Variants in ARFGAP3 observed in about 807,000 individuals in gnomAD.
ARFGAP3 encodes the protein ARF GTPase activating protein 3.
Under a neutral mutation model 75.0 loss-of-function variants are expected in ARFGAP3, and 72 were observed. The observed-to-expected ratio is 0.96, with a 90% CI of 0.79 to 1.17. The LOEUF (loss-of-function observed/expected upper bound fraction) is 1.17. Among genes scored for constraint, ARFGAP3 ranks in the 50% most tolerant of loss-of-function variants. ARFGAP3 has a pLI of 0.00. For missense variants in ARFGAP3, 620 were observed against 626.6 expected (o/e 0.99, Z 0.11); for synonymous variants, 221 against 217.9 (o/e 1.01, Z -0.13).
At chr22:42,813,382 T>G (rs1925452351) in intron 11 of ARFGAP3, among the ~76,000 whole-genome samples, 2 of 151,394 alleles carry the variant, frequency 1.3e-5, no homozygotes, top group African/African-American at 2.4e-5. Context: ...AAGAGGGGGG[T>G]CAGCACTGGA....
intron 2 of ARFGAP3, among the ~76,000 whole-genome samples, chr22:42,841,807 A>G (rs902740302): frequency 4.6e-5 from 7 of 152,122 alleles, no homozygotes; most frequent in African/African-American, 9.7e-5. Flanking sequence ...AAAGAAAAGA[A>G]AAGAAGCTTT....
chr22:42,827,949 T>C (rs1926114125), intron 6 of ARFGAP3, among the ~76,000 whole-genome samples: 1 of 151,708 alleles, frequency 6.6e-6, no homozygotes, highest in Non-Finnish European at 1.5e-5. Flanking sequence ...CCAACCATAC[T>C]TTGTTATTTT....
chr22:42,800,340 G>T (rs1489972941), intron 14 of ARFGAP3, among the ~76,000 whole-genome samples: 2 of 152,118 alleles, frequency 1.3e-5, no homozygotes, highest in Non-Finnish European at 2.9e-5. Flanking sequence ...GACCAGCCTG[G>T]CCAACATGGT....
At chr22:42,830,596 G>C (rs1392231079) in intron 6 of ARFGAP3, among the ~76,000 whole-genome samples, 1 of 152,092 alleles carries the variant, frequency 6.6e-6, no homozygotes, top group African/African-American at 2.4e-5. Flanking sequence ...TAACATTCTG[G>C]CCTAACAAAG....
chr22:42,823,487 AACATTAATCTCTTTG>A (rs3830856), intron 8 of ARFGAP3, among the ~76,000 whole-genome samples, 154 bp downstream of exon 8: 65,290 of 151,792 alleles, frequency 0.43, 14,586 homozygotes, highest in Non-Finnish European at 0.48. Flanking sequence ...CAATAAGTAT[AACATTAATCTCTTTG>A]ACATTAATCT....
At chr22:42,834,390 C>G in intron 4 of ARFGAP3, 65 bp from the exon 5 acceptor site, 1 of 1,573,096 alleles carries the variant, frequency 6.4e-7, no homozygotes, top group Non-Finnish European at 8.6e-7. Context: ...TTATTTGATA[C>G]CTTTCACTTC....
intron 9 of ARFGAP3, 156 bp from the exon 10 acceptor site, chr22:42,818,013 C>T (rs1474854248): frequency 1.4e-6 from 1 of 694,132 alleles, no homozygotes; most frequent in Admixed American, 6.3e-5. Flanking sequence ...TTTCTACCTG[C>T]CTTTTTTGAA....
At chr22:42,810,678 T>TA (rs1925327228) in intron 12 of ARFGAP3, 135 bp downstream of exon 12, 2 of 750,230 alleles carry the variant, frequency 2.7e-6, no homozygotes, top group East Asian at 2.5e-5. Flanking sequence ...CTCGGCCTCT[T>TA]AAAGTGCTGG....
intron 9 of ARFGAP3, among the ~76,000 whole-genome samples, chr22:42,820,966 G>C (rs1281149216): frequency 6.6e-6 from 1 of 152,162 alleles, no homozygotes; most frequent in East Asian, 1.9e-4. Flanking sequence ...TGCTGAAGGA[G>C]CTGTTTCTCT....
intron 14 of ARFGAP3, among the ~76,000 whole-genome samples, chr22:42,802,244 A>ACCC (rs1924894544): frequency 6.6e-6 from 1 of 151,482 alleles, no homozygotes; most frequent in African/African-American, 2.4e-5. Context: ...GTGACGTGGG[A>ACCC]GGTGGAAGTT....
chr22:42,857,210 GC>G lies in ARFGAP3; in HGVS notation c.-29del. On this transcript the variant is annotated 5_prime_UTR_variant, in exon 1 of 16. Transcript: ENST00000263245. The stretch of plus-strand genomic sequence containing the variant: ...TCAGCTGTGAGCCGCGGCGCAGCTG[GC>G]CCAGCCAACCGGTAAGAGTCGACGA... The G allele has an allele frequency of 6.6e-7, 1 of 1,504,482 alleles. No homozygotes were observed. Among genetic ancestry groups the G allele is most frequent in the East Asian group, 2.8e-5 (1 of 35,176 alleles). The allele number at this position is 1,504,482 out of a possible 1,614,324, so 93.2% of individuals were successfully genotyped here.
Position 42,857,208 on chromosome 22 carries a change from T to C in ARFGAP3, c.-26A>G. On this transcript the variant is annotated 5_prime_UTR_variant, in exon 1 of 16. Coordinates refer to ENST00000263245, the MANE Select transcript of ARFGAP3 (RefSeq NM_014570.5). ...CGTCAGCTGTGAGCCGCGGCGCAGC[T>C]GGCCCAGCCAACCGGTAAGAGTCGA... is the stretch of plus-strand genomic sequence containing the variant. The C allele has an allele frequency of 6.6e-7, 1 of 1,504,520 alleles. No individual in the cohort carries two copies. The highest frequency in any genetic ancestry group is 8.9e-7 in the Non-Finnish European group (1 of 1,123,606). 93.2% of individuals were successfully genotyped at this position (1,504,520 alleles called of 1,614,324 possible).
rs144356109 is a variant in ARFGAP3 at position 42,831,951 on chromosome 22, G to C, written c.478-315C>G. On this transcript the variant is annotated intron_variant, in intron 5 of 15. Coordinates refer to ENST00000263245, the MANE Select transcript of ARFGAP3 (RefSeq NM_014570.5). ...GCATGTGCCACCACGCCCAGCTAAA[G>C]TTTAAATTTTTTGTAGAGAAGGAGT... Among the ~76,000 whole-genome samples the C allele has an allele frequency of 5.3e-3, 803 of 151,942 alleles. 38 individuals carry two copies. Among genetic ancestry groups the C allele is most frequent in the Admixed American group, 0.046 (702 of 15,266 alleles).
Position 42,807,565 on chromosome 22 carries a change from T to C in ARFGAP3, c.1321-402A>G, listed in dbSNP as rs542656939. On this transcript the variant is annotated intron_variant, in intron 13 of 15. Coordinates refer to ENST00000263245, the MANE Select transcript of ARFGAP3 (RefSeq NM_014570.5). ...CAACTTTGAAGCAAGGCAGATTTTATGGACTGTGGGAACAGCAAGGGGCAA... is the reference window on the plus strand; with the variant it reads ...CAACTTTGAAGCAAGGCAGATTTTACGGACTGTGGGAACAGCAAGGGGCAA... 2.3e-4 allele frequency among the ~76,000 whole-genome samples: 35 copies of C among 152,344 alleles called. 1 individual carries two copies. Among genetic ancestry groups the C allele is most frequent in the South Asian group, 1.0e-3 (5 of 4,830 alleles).
At chr22:42,844,449 G>A (rs1395010014) in intron 2 of ARFGAP3, among the ~76,000 whole-genome samples, 3 of 152,044 alleles carry the variant, frequency 2.0e-5, no homozygotes, top group Non-Finnish European at 2.9e-5. Flanking sequence ...GCTGGGTGTG[G>A]TGGCACACAC....
intron 1 of ARFGAP3, among the ~76,000 whole-genome samples, chr22:42,848,918 G>A (rs1426461871): frequency 6.6e-6 from 1 of 152,102 alleles, no homozygotes; most frequent in Non-Finnish European, 1.5e-5. Flanking sequence ...TGACACTATG[G>A]CCTTTTCCTG....
chr22:42,807,033 T>C (rs766272438), intron 14 of ARFGAP3, 40 bp downstream of exon 14: 1 of 1,557,796 alleles, frequency 6.4e-7, no homozygotes. Flanking sequence ...GTTCATACCG[T>C]AGACATGACA....
At chr22:42,823,229 C>T (rs576438792) in intron 8 of ARFGAP3, among the ~76,000 whole-genome samples, 2 of 152,094 alleles carry the variant, frequency 1.3e-5, no homozygotes, top group East Asian at 1.9e-4. Context: ...AGGAATGTGG[C>T]CAAGGTCACA....
At position 42,817,252 on chromosome 22, in the gene ARFGAP3, A is replaced by T. The variant is rs1925618486; in HGVS notation, c.954T>A (p.His318Gln). 6.2e-6 allele frequency: 10 copies of T among 1,608,660 alleles called. No homozygotes were observed. Among genetic ancestry groups the T allele is most frequent in the Admixed American group, 5.1e-5 (3 of 59,242 alleles). The change falls in exon 11 of 16, where the codon CAT becomes CAA. Residue 318 changes from histidine to glutamine, a missense_variant. His to Gln is a conservative substitution (Grantham distance 24, BLOSUM62 0). Transcript: ENST00000263245. The part of the protein sequence containing the change: ...GFGNCRSVIS[H>Q]SVTSDMQTIE... Reference sequence around the variant, plus strand: ...TGGTCTGCATATCTGAAGTCACTGAATGTGAAATAACACTTGAGAAAACAG... The same window carrying T: ...TGGTCTGCATATCTGAAGTCACTGATTGTGAAATAACACTTGAGAAAACAG...
Sources: gnomAD v4.1 joint callset for allele counts (sites outside exome capture counted in the v4.1 genomes callset) on GRCh38, gnomAD v4.1.1 for gene constraint, MANE v1.5 for transcripts, NCBI Gene and HGNC (gene_info 2026-07-23, HGNC 2026-07-21) for gene names.